GARNL3: variants seen among roughly 807,000 people sequenced by gnomAD.
GARNL3 encodes the protein GTPase-activating Rap/Ran-GAP domain-like protein 3.
A neutral mutation model predicts 125.0 loss-of-function variants in GARNL3; 63 were observed. The observed-to-expected ratio is 0.50, with a 90% confidence interval of 0.41 to 0.62. GARNL3 has a LOEUF of 0.62. GARNL3 is among the 20% of genes least tolerant of loss of function. The pLI, the probability that GARNL3 is intolerant of heterozygous loss-of-function variation, is 0.00. For missense variants in GARNL3, 994 were observed against 1,244.0 expected (o/e 0.80, Z 3.02); for synonymous variants, 439 against 457.5 (o/e 0.96, Z 0.52).
Position 127,353,961 on chromosome 9 carries a change from G to A in GARNL3, c.1642+17G>A. On this transcript the variant is annotated intron_variant, in intron 18 of 27. Coordinates refer to ENST00000373387, the MANE Select transcript of GARNL3 (RefSeq NM_032293.5). ...CAGACAAAGGTGGTATTCCCTGCCG[G>A]GTGGCATGCTGTGGAGGAAGGAAAA... 1.3e-6 allele frequency: 2 copies of A among 1,550,112 alleles called. No individual in the cohort carries two copies. The highest frequency in any genetic ancestry group is 1.1e-5 in the South Asian group (1 of 89,616).
intron 1 of GARNL3, among the ~76,000 whole-genome samples, chr9:127,279,796 C>G (rs2064057675): frequency 2.6e-5 from 4 of 152,030 alleles, no homozygotes. Context: ...CAAACAAAAA[C>G]AAAGAGCTAT....
chr9:127,379,492 T>C (rs1376123192), intron 22 of GARNL3, among the ~76,000 whole-genome samples: 1 of 152,200 alleles, frequency 6.6e-6, no homozygotes, highest in Non-Finnish European at 1.5e-5. Flanking sequence ...CTGCTAGAAG[T>C]GGTCTAGATG....
chr9:127,350,948 T>C (rs1240726063), intron 17 of GARNL3, among the ~76,000 whole-genome samples: 2 of 152,048 alleles, frequency 1.3e-5, no homozygotes, highest in Non-Finnish European at 2.9e-5. Flanking sequence ...ACAAAACTGG[T>C]TAGTGGCACG....
rs148092637 is a variant in GARNL3, at chr9:127,390,707, G to A, written c.2810G>A (p.Arg937Gln). Residue 937 changes from arginine to glutamine, a missense_variant, in exon 27 of 28, where the codon CGG (arginine) becomes CAG (glutamine). Transcript: ENST00000373387. ...AAGGCCAAATCAAAACCCCGGAAGC[G>A]GTTAGAAGAAAGCCAAGGAGGCCCC... ...APKAKSKPRK[R>Q]LEESQGGPKP... 1,303 of 1,613,890 alleles carry A rather than the reference G, an allele frequency of 8.1e-4. 2 individuals are homozygous for A. The highest frequency in any genetic ancestry group is 9.9e-4 in the Middle Eastern group (6 of 6,082).
rs75335860 is a variant in GARNL3 at position 127,349,955 on chromosome 9, G to A, written c.1543+920G>A. 3.7e-3 allele frequency among the ~76,000 whole-genome samples: 567 copies of A among 152,252 alleles called. 11 individuals carry two copies. The East Asian group carries it at 0.069, about 19-fold the overall frequency. On this transcript the variant is annotated intron_variant, in intron 17 of 27. Transcript: ENST00000373387. Reference sequence around the variant, plus strand: ...TCCCATCCTTCAGTACAACCTATACGTCCTCCCTCCGACGCTTACTGGGCA... The same window carrying A: ...TCCCATCCTTCAGTACAACCTATACATCCTCCCTCCGACGCTTACTGGGCA...
chr9:127,253,683 G>T (rs1394824704), intron 2 of GARNL3, among the ~76,000 whole-genome samples: 1 of 152,174 alleles, frequency 6.6e-6, no homozygotes, highest in Non-Finnish European at 1.5e-5. Context: ...GCGGGGAGTG[G>T]TGCCAGACTA....
At chr9:127,391,317 T>A (rs1053511848) in intron 27 of GARNL3, among the ~76,000 whole-genome samples, 11 of 145,574 alleles carry the variant, frequency 7.6e-5, no homozygotes, top group African/African-American at 2.7e-4. Context: ...ATTTTATATT[T>A]ATATATTTAA....
At chr9:127,269,787 T>TTTTTTGTG (rs1206585187) in intron 1 of GARNL3, among the ~76,000 whole-genome samples, 749 of 20,940 alleles carry the variant, frequency 0.036, 16 homozygotes, top group East Asian at 0.36. Context: ...GTTTTTTGTG[T>TTTTTTGTG]TTTTTTTTTT....
intron 22 of GARNL3, among the ~76,000 whole-genome samples, chr9:127,368,706 G>A (rs1043554143): frequency 6.0e-5 from 9 of 151,058 alleles, no homozygotes; most frequent in Admixed American, 1.3e-4. Context: ...AGGCTGAGGC[G>A]GGCAGATCAT....
At chr9:127,251,781 G>A (rs1045225285) in intron 2 of GARNL3, among the ~76,000 whole-genome samples, 31 of 152,134 alleles carry the variant, frequency 2.0e-4, no homozygotes, top group African/African-American at 7.5e-4. Flanking sequence ...TTTGGCAAAA[G>A]GATTATTTTG....
chr9:127,338,044 G>C, intron 11 of GARNL3, 72 bp from the exon 12 acceptor site: 1 of 1,119,796 alleles, frequency 8.9e-7, no homozygotes. Context: ...CTCTGCACAA[G>C]GGATTTTCAG....
intron 10 of GARNL3, 31 bp downstream of exon 10, chr9:127,335,364 T>G (rs1327510676): frequency 2.7e-6 from 4 of 1,456,572 alleles, no homozygotes; most frequent in Non-Finnish European, 3.9e-6. Context: ...CATCAAATAG[T>G]GATGTGAATG....
intron 2 of GARNL3, among the ~76,000 whole-genome samples, chr9:127,255,543 G>A (rs572912344): frequency 1.3e-5 from 2 of 152,240 alleles, no homozygotes; most frequent in South Asian, 2.1e-4. Context: ...ATGTAAATGG[G>A]GTCAGGGAGA....
chr9:127,393,003 A>T, intron 27 of GARNL3, 80 bp from the exon 28 acceptor site: 1 of 1,169,018 alleles, frequency 8.6e-7, no homozygotes, highest in Non-Finnish European at 1.2e-6. Flanking sequence ...AGCTCAGATG[A>T]GCAGGAAATT....
chr9:127,325,213 A>G, intron 7 of GARNL3, 118 bp downstream of exon 7: 1 of 943,558 alleles, frequency 1.1e-6, no homozygotes, highest in Non-Finnish European at 1.7e-6. Context: ...AGATTTGCAC[A>G]GTGGGACACA....
intron 11 of GARNL3, among the ~76,000 whole-genome samples, chr9:127,337,796 G>A (rs1186786738): frequency 6.6e-6 from 1 of 152,186 alleles, no homozygotes; most frequent in Non-Finnish European, 1.5e-5. Context: ...TCCAGGCAAG[G>A]GAACTGCTCT....
At position 127,325,057 on chromosome 9, in the gene GARNL3, T is replaced by C; in HGVS notation, c.568-12T>C. 6.2e-7 allele frequency: 1 copy of C among 1,613,064 alleles called. No individual in the cohort carries two copies. The highest frequency in any genetic ancestry group is 8.5e-7 in the Non-Finnish European group (1 of 1,179,156). On this transcript the variant is annotated splice_polypyrimidine_tract_variant and intron_variant, in intron 6 of 27. Coordinates refer to ENST00000373387, the MANE Select transcript of GARNL3 (RefSeq NM_032293.5). ...TATGCCTGGATGTAACTTTTAAAAC[T>C]TTATTTGACAGGACTTGCTGGTTCT...
rs2063221959 is a variant in GARNL3 at position 127,242,521 on chromosome 9, A to G, written c.-28-558A>G. On this transcript the variant is annotated intron_variant, in intron 1 of 10. Transcript: ENST00000439286. The surrounding 1 kb of genome is among the most constrained non-coding windows in gnomAD (Gnocchi z 4.6). ...CATTTCTCAGTTTATTCCCATGAAC[A>G]AGCCATTTATTAATTCAGCAAGCAT... Among the ~76,000 whole-genome samples the G allele has an allele frequency of 6.6e-6, 1 of 152,242 alleles. No individual in the cohort carries two copies. Among genetic ancestry groups the G allele is most frequent in the East Asian group, 1.9e-4 (1 of 5,198 alleles).
chr9:127,236,044 G>A (rs1381760007), intron 1 of GARNL3, among the ~76,000 whole-genome samples: 1 of 152,208 alleles, frequency 6.6e-6, no homozygotes, highest in African/African-American at 2.4e-5. Flanking sequence ...AATTCATGGA[G>A]GATATGACAG....
Sources: allele counts gnomAD v4.1 joint callset (sites outside exome capture counted in the v4.1 genomes callset), GRCh38; gene constraint gnomAD v4.1.1; non-coding constraint Gnocchi (gnomAD v3.1); transcripts MANE v1.5; gene names NCBI Gene and HGNC (gene_info 2026-07-23, HGNC 2026-07-21).